Variants in BICRAL observed in about 807,000 individuals in gnomAD.
BICRAL encodes BICRA like chromatin remodeling complex associated protein.
Under a neutral mutation model 91.8 loss-of-function variants are expected in BICRAL, and 8 were observed. That is an observed-to-expected ratio of 0.09 (90% CI 0.05 to 0.16). BICRAL has a LOEUF of 0.16. BICRAL is among the 10% of genes least tolerant of loss of function. The probability of loss-of-function intolerance (pLI) is 1.00; values close to 1 mark genes in which losing one functional copy is unlikely to be tolerated. For missense variants in BICRAL, 1,038 were observed against 1,310.9 expected, an observed-to-expected ratio of 0.79 and a Z score of 3.21; for synonymous variants, 445 against 491.1, an observed-to-expected ratio of 0.91 and a Z score of 1.24.
intron 1 of BICRAL, among the ~76,000 whole-genome samples, chr6:42,748,104 C>CTT (rs35511368): frequency 0.12 from 14,955 of 124,376 alleles, 1,082 homozygotes; most frequent in Non-Finnish European, 0.17. Context: ...GTGCCTGGCC[C>CTT]TTTTTTTTTT....
At chr6:42,783,805 ACTC>A (rs1414109418) in intron 1 of BICRAL, among the ~76,000 whole-genome samples, 1 of 151,612 alleles carries the variant, frequency 6.6e-6, no homozygotes, top group Non-Finnish European at 1.5e-5. Flanking sequence ...CCGCACCCCC[ACTC>A]CTCCCAGTCG....
chr6:42,857,498 A>G (rs1765404931), intron 10 of BICRAL, among the ~76,000 whole-genome samples: 1 of 151,424 alleles, frequency 6.6e-6, no homozygotes, highest in South Asian at 2.1e-4. Context: ...TAAAGCAAGA[A>G]GATCATGTGA....
chr6:42,850,340 T>C (rs140079114), intron 6 of BICRAL, among the ~76,000 whole-genome samples: 1,582 of 151,898 alleles, frequency 0.01, 25 homozygotes, highest in African/African-American at 0.036. Context: ...GCCAACACAG[T>C]GAAACCCCGT....
chr6:42,773,314 G>A (rs1762763997), intron 1 of BICRAL, among the ~76,000 whole-genome samples: 1 of 151,958 alleles, frequency 6.6e-6, no homozygotes, highest in Admixed American at 6.6e-5. Flanking sequence ...CTGACCTCAG[G>A]TGATCCACCC....
intron 6 of BICRAL, among the ~76,000 whole-genome samples, chr6:42,842,461 G>A (rs1038228569): frequency 5.9e-5 from 9 of 152,138 alleles, no homozygotes; most frequent in African/African-American, 2.2e-4. Context: ...TCTCCGACCT[G>A]GCAGTCAGGG....
At chr6:42,843,174 G>GC (rs35713427) in intron 6 of BICRAL, among the ~76,000 whole-genome samples, 55,381 of 151,780 alleles carry the variant, frequency 0.36, 10,403 homozygotes, top group South Asian at 0.47. Flanking sequence ...TTTTAAGCAT[G>GC]TGCTAGGAGT....
chr6:42,793,298 T>A (rs1350696653), intron 1 of BICRAL, among the ~76,000 whole-genome samples: 56 of 20,566 alleles, frequency 2.7e-3, no homozygotes, highest in Non-Finnish European at 3.6e-3. Flanking sequence ...CCCAGCTAAT[T>A]TTTTTTTTTT....
chr6:42,848,804 G>A (rs751984492), intron 6 of BICRAL, among the ~76,000 whole-genome samples: 1 of 152,208 alleles, frequency 6.6e-6, no homozygotes, highest in Non-Finnish European at 1.5e-5. Flanking sequence ...TTGCCACAGA[G>A]TGAGACCCTG....
chr6:42,853,175 T>G (rs564990124), intron 7 of BICRAL, among the ~76,000 whole-genome samples: 15 of 152,132 alleles, frequency 9.9e-5, no homozygotes, highest in Admixed American at 2.6e-4. Context: ...ACTGAAAATA[T>G]TATGGACTAT....
intron 7 of BICRAL, 39 bp downstream of exon 7, chr6:42,852,236 C>T: frequency 8.8e-7 from 1 of 1,140,066 alleles, no homozygotes; most frequent in Non-Finnish European, 1.3e-6. Flanking sequence ...CCTCCCAACA[C>T]CACGGGATGC....
chr6:42,841,183 ATTTTTTTTTTTT>A (rs70990150), intron 6 of BICRAL, among the ~76,000 whole-genome samples: 1 of 80,682 alleles, frequency 1.2e-5, no homozygotes, highest in African/African-American at 5.8e-5. Flanking sequence ...ACTCTTGAAT[ATTTTTTTTTTTT>A]TTTTTTTTTT....
At chr6:42,747,061 C>A (rs1762288705) in intron 1 of BICRAL, 1 of 152,306 alleles carries the variant, frequency 6.6e-6, no homozygotes, top group Admixed American at 6.5e-5. Flanking sequence ...CTCTCTGGGG[C>A]GGTCGGTCTT....
intron 6 of BICRAL, among the ~76,000 whole-genome samples, chr6:42,838,838 G>C (rs1210545143): frequency 1.3e-5 from 2 of 152,004 alleles, no homozygotes; most frequent in Non-Finnish European, 2.9e-5. Context: ...GTGCATGCCT[G>C]TAATCCCAGC....
chr6:42,833,600 A>C (rs1764561323), intron 6 of BICRAL, among the ~76,000 whole-genome samples: 1 of 151,840 alleles, frequency 6.6e-6, no homozygotes, highest in Non-Finnish European at 1.5e-5. Context: ...GCTGCCTGCC[A>C]CCATACCCTG....
intron 10 of BICRAL, among the ~76,000 whole-genome samples, 174 bp from the exon 11 acceptor site, chr6:42,860,088 G>A (rs1765508493): frequency 6.6e-6 from 1 of 152,208 alleles, no homozygotes; most frequent in Admixed American, 6.5e-5. Flanking sequence ...GTGAGGGAAT[G>A]CAGTGTAGAA....
At chr6:42,827,871 C>T (rs911407380) in intron 5 of BICRAL, among the ~76,000 whole-genome samples, 2 of 152,014 alleles carry the variant, frequency 1.3e-5, no homozygotes, top group South Asian at 2.1e-4. Flanking sequence ...GGCAAAAGAT[C>T]GAGACCCCAG....
chr6:42,784,549 CT>C (rs1562459580), intron 1 of BICRAL, among the ~76,000 whole-genome samples: 1 of 152,120 alleles, frequency 6.6e-6, no homozygotes, highest in Admixed American at 6.5e-5. Flanking sequence ...GTGCCTGATG[CT>C]TTGTATAATT....
intron 1 of BICRAL, among the ~76,000 whole-genome samples, chr6:42,792,020 CAT>C (rs1450101632): frequency 4.6e-5 from 7 of 152,118 alleles, no homozygotes; most frequent in Admixed American, 4.6e-4. Flanking sequence ...CATATCTAAA[CAT>C]GGTACAGTAA....
chr6:42,848,375 A>C (rs925851933), intron 6 of BICRAL, among the ~76,000 whole-genome samples: 1 of 152,104 alleles, frequency 6.6e-6, no homozygotes, highest in Non-Finnish European at 1.5e-5. Context: ...TGATTGCACC[A>C]CTGCACTCCA....
Sources: allele counts gnomAD v4.1 joint callset (sites outside exome capture counted in the v4.1 genomes callset), GRCh38; gene constraint gnomAD v4.1.1; transcripts MANE v1.5; gene names NCBI Gene and HGNC (gene_info 2026-07-23, HGNC 2026-07-21).